Variants in SHISA6 observed in about 807,000 individuals in gnomAD.
The protein encoded by SHISA6 is protein shisa-6.
Under a neutral mutation model 47.9 loss-of-function variants are expected in SHISA6, and 22 were observed. That is an observed-to-expected ratio of 0.46 (90% CI 0.33 to 0.66). The LOEUF (loss-of-function observed/expected upper bound fraction) is 0.66, where lower values mean the gene tolerates loss of function less well. Among genes scored for constraint, SHISA6 ranks in the 30% least tolerant of loss-of-function variants. The pLI is 0.02. For synonymous variants in SHISA6, 388 were observed against 337.8 expected (o/e 1.15, Z -1.63); for missense variants, 680 against 764.6 (o/e 0.89, Z 1.30).
intron 3 of SHISA6, among the ~76,000 whole-genome samples, chr17:11,529,859 C>T (rs1300980071): frequency 6.6e-6 from 1 of 152,070 alleles, no homozygotes. Flanking sequence ...AAGAAATGAT[C>T]AAACATATTC....
At chr17:11,480,185 T>G (rs1311652480) in intron 3 of SHISA6, among the ~76,000 whole-genome samples, 4 of 152,094 alleles carry the variant, frequency 2.6e-5, no homozygotes, top group Admixed American at 2.0e-4. Flanking sequence ...CAGGTAAGAG[T>G]CCCACAGTCC....
intron 3 of SHISA6, among the ~76,000 whole-genome samples, chr17:11,525,656 A>AAAAAAAAC (rs2071671748): frequency 2.7e-5 from 1 of 37,072 alleles, no homozygotes; most frequent in East Asian, 1.0e-3. Flanking sequence ...AAAAAACAAA[A>AAAAAAAAC]AAAAAAAAAC....
At chr17:11,458,675 G>A (rs1915614650) in intron 3 of SHISA6, among the ~76,000 whole-genome samples, 1 of 152,098 alleles carries the variant, frequency 6.6e-6, no homozygotes, top group South Asian at 2.1e-4. Flanking sequence ...TCTATCTTCT[G>A]GGAGAACCAG....
chr17:11,459,847 C>T (rs1445184543), intron 3 of SHISA6, among the ~76,000 whole-genome samples: 1 of 152,206 alleles, frequency 6.6e-6, no homozygotes, highest in African/African-American at 2.4e-5. Context: ...AATTGCTTCC[C>T]TGACTTCTGG....
chr17:11,333,004 G>A (rs1191470141), intron 2 of SHISA6, among the ~76,000 whole-genome samples: 1 of 152,176 alleles, frequency 6.6e-6, no homozygotes, highest in African/African-American at 2.4e-5. Flanking sequence ...GAGCAGCGGG[G>A]GCCTCCCTGT....
chr17:11,332,644 A>G (rs1344185980), intron 2 of SHISA6, among the ~76,000 whole-genome samples: 1 of 152,156 alleles, frequency 6.6e-6, no homozygotes, highest in Admixed American at 6.5e-5. Context: ...CCTTTTGTGC[A>G]GACTAGGCTC....
chr17:11,293,675 C>T (rs1909632324), intron 2 of SHISA6, among the ~76,000 whole-genome samples: 1 of 152,060 alleles, frequency 6.6e-6, no homozygotes, highest in Admixed American at 6.6e-5. Context: ...GCTTTGAGCA[C>T]ACCAGCTGTA....
intron 3 of SHISA6, among the ~76,000 whole-genome samples, chr17:11,435,058 A>G (rs1358580652): frequency 6.6e-6 from 1 of 152,130 alleles, no homozygotes; most frequent in African/African-American, 2.4e-5. Flanking sequence ...GTGGGGCCCT[A>G]ATAATGGGAT....
At chr17:11,242,098 C>A (rs569600428) in intron 1 of SHISA6, 38 bp downstream of exon 1, 10 of 1,547,046 alleles carry the variant, frequency 6.5e-6, no homozygotes, top group African/African-American at 1.4e-5. Flanking sequence ...GGTCTCCCCG[C>A]GGCCTCACCC....
At chr17:11,316,502 C>T (rs1910529543) in intron 2 of SHISA6, among the ~76,000 whole-genome samples, 1 of 148,646 alleles carries the variant, frequency 6.7e-6, no homozygotes, top group African/African-American at 2.5e-5. Flanking sequence ...CTCACTGCAA[C>T]CTCTACCTCC....
intron 3 of SHISA6, among the ~76,000 whole-genome samples, chr17:11,495,597 G>C (rs1223789481): frequency 6.6e-6 from 1 of 152,172 alleles, no homozygotes; most frequent in Non-Finnish European, 1.5e-5. Context: ...GTTCCTCTTA[G>C]GGTGGCTGCC....
At chr17:11,534,667 G>GC (rs1262536637) in intron 3 of SHISA6, among the ~76,000 whole-genome samples, 1 of 152,176 alleles carries the variant, frequency 6.6e-6, no homozygotes, top group Non-Finnish European at 1.5e-5. Context: ...AGCTGCCATG[G>GC]ATAAGGTGTT....
At chr17:11,528,090 G>T (rs553623557) in intron 3 of SHISA6, among the ~76,000 whole-genome samples, 1 of 152,224 alleles carries the variant, frequency 6.6e-6, no homozygotes, top group Non-Finnish European at 1.5e-5. Context: ...TCCAAATTTG[G>T]GGGGTTGGGG....
chr17:11,506,801 T>TC (rs772330153), intron 3 of SHISA6, among the ~76,000 whole-genome samples: 12 of 152,176 alleles, frequency 7.9e-5, no homozygotes, highest in African/African-American at 1.7e-4. Context: ...CACTCACACT[T>TC]CAAGTTTTAC....
At chr17:11,412,704 G>C (rs985474330) in intron 3 of SHISA6, among the ~76,000 whole-genome samples, 1 of 151,926 alleles carries the variant, frequency 6.6e-6, no homozygotes, top group Non-Finnish European at 1.5e-5. Flanking sequence ...ACCGTGCCGG[G>C]CTAATTTTTT....
intron 2 of SHISA6, among the ~76,000 whole-genome samples, chr17:11,276,563 C>G (rs1015802351): frequency 6.6e-6 from 1 of 152,044 alleles, no homozygotes; most frequent in African/African-American, 2.4e-5. Context: ...TGTCTTCCTC[C>G]CTCTCCTTTT....
At chr17:11,490,430 G>A (rs763933716) in intron 3 of SHISA6, among the ~76,000 whole-genome samples, 8 of 152,164 alleles carry the variant, frequency 5.3e-5, no homozygotes, top group African/African-American at 9.7e-5. Flanking sequence ...GAAACAGGAG[G>A]TGTTTGGAAT....
At chr17:11,378,897 A>G (rs1361270592) in intron 2 of SHISA6, among the ~76,000 whole-genome samples, 2 of 152,184 alleles carry the variant, frequency 1.3e-5, no homozygotes, top group Non-Finnish European at 2.9e-5. Flanking sequence ...GAAAGAAAAA[A>G]CAAATGAATA....
intron 2 of SHISA6, among the ~76,000 whole-genome samples, chr17:11,302,960 C>T (rs966231668): frequency 2.0e-5 from 3 of 152,160 alleles, no homozygotes; most frequent in African/African-American, 7.2e-5. Flanking sequence ...ATGGCTTTGT[C>T]ATTTCCCATC....
Sources: gnomAD v4.1 joint callset for allele counts (sites outside exome capture counted in the v4.1 genomes callset) on GRCh38, gnomAD v4.1.1 for gene constraint, MANE v1.5 for transcripts, NCBI Gene and HGNC (gene_info 2026-07-23, HGNC 2026-07-21) for gene names.